Variants in HGF observed in about 807,000 individuals in gnomAD.
The protein encoded by HGF is fibroblast-derived tumor cytotoxic factor.
A neutral mutation model predicts 111.6 loss-of-function variants in HGF; 39 were observed. The observed-to-expected ratio is 0.35, with a 90% confidence interval of 0.27 to 0.46. The LOEUF (loss-of-function observed/expected upper bound fraction) is 0.46. HGF is among the 20% of genes least tolerant of loss of function. The pLI is 1.00. For synonymous variants in HGF, 285 were observed against 294.8 expected, an observed-to-expected ratio of 0.97 and a Z score of 0.34; for missense variants, 735 against 910.5, an observed-to-expected ratio of 0.81 and a Z score of 2.48.
At chr7:81,769,742 A>G (rs1789536993) in intron 1 of HGF, 142 bp downstream of exon 1, 4 of 660,564 alleles carry the variant, frequency 6.1e-6, no homozygotes, top group South Asian at 5.1e-5. Flanking sequence ...GCATAATGAG[A>G]GCTTTTAGAA....
intron 4 of HGF, chr7:81,756,233 G>T: frequency 1.8e-6 from 1 of 565,664 alleles, no homozygotes; most frequent in Non-Finnish European, 3.1e-6. Flanking sequence ...TTATGCTTCA[G>T]TTTTGTCATG....
intron 7 of HGF, among the ~76,000 whole-genome samples, chr7:81,741,249 T>A (rs1350771236): frequency 6.6e-6 from 1 of 152,162 alleles, no homozygotes; most frequent in African/African-American, 2.4e-5. Context: ...CTTTTTAAAT[T>A]TGAGTGATAT....
At chr7:81,762,518 G>T (rs528585531) in intron 2 of HGF, among the ~76,000 whole-genome samples, 189 bp downstream of exon 2, 1 of 152,108 alleles carries the variant, frequency 6.6e-6, no homozygotes, top group Admixed American at 6.6e-5. Context: ...CAGTTTTTGC[G>T]CTCTCCCTTA....
intron 7 of HGF, among the ~76,000 whole-genome samples, chr7:81,738,456 G>A (rs1418762667): frequency 6.6e-6 from 1 of 152,074 alleles, no homozygotes; most frequent in Non-Finnish European, 1.5e-5. Flanking sequence ...TTTATACACA[G>A]AATATTTGTG....
At chr7:81,766,746 C>T (rs1461326383) in intron 1 of HGF, among the ~76,000 whole-genome samples, 1 of 152,146 alleles carries the variant, frequency 6.6e-6, no homozygotes, top group East Asian at 1.9e-4. Context: ...TCCTGGCCTC[C>T]ACCTTCACTG....
At chr7:81,717,887 A>G (rs1364437462) in intron 10 of HGF, among the ~76,000 whole-genome samples, 1 of 152,186 alleles carries the variant, frequency 6.6e-6, no homozygotes, top group Non-Finnish European at 1.5e-5. Flanking sequence ...GATCAGTTAC[A>G]AAATATTATT....
chr7:81,712,053 AGGT>A (rs904887504), intron 11 of HGF, among the ~76,000 whole-genome samples: 1 of 152,152 alleles, frequency 6.6e-6, no homozygotes, highest in Non-Finnish European at 1.5e-5. Context: ...CTCTGGTACT[AGGT>A]GATATGAGCA....
rs561484014 is a variant in HGF, at chr7:81,702,602, T to C, written c.2166A>G (p.Thr722=). 2 of 1,611,010 alleles carry C rather than the reference T, an allele frequency of 1.2e-6. No homozygotes were observed. The highest frequency in any genetic ancestry group is 2.2e-5 in the South Asian group (2 of 91,010). Residue 722 remains threonine, a synonymous_variant, in exon 18 of 18, where the codon ACA becomes ACG. Transcript: ENST00000222390. The part of the protein sequence containing the change: ...YAKWIHKIIL[T]YKVPQS The stretch of plus-strand genomic sequence containing the variant: ...TCAGCTATGACTGTGGTACCTTATA[T>C]GTTAAAATAATTTTGTGTATCCATT...
intron 11 of HGF, among the ~76,000 whole-genome samples, chr7:81,715,443 G>A (rs976095595): frequency 2.0e-5 from 3 of 151,998 alleles, no homozygotes; most frequent in African/African-American, 7.2e-5. Context: ...CTTAATATGG[G>A]AAAAGTGAAG....
At chr7:81,760,700 T>C (rs941843508) in intron 2 of HGF, among the ~76,000 whole-genome samples, 9 of 151,082 alleles carry the variant, frequency 6.0e-5, no homozygotes, top group African/African-American at 1.9e-4. Flanking sequence ...TGTGTGTGTG[T>C]GTGTGTGTGT....
At chr7:81,727,911 C>T (rs1275516262) in intron 8 of HGF, among the ~76,000 whole-genome samples, 5 of 152,114 alleles carry the variant, frequency 3.3e-5, no homozygotes, top group African/African-American at 4.8e-5. Flanking sequence ...TTACTAGGTC[C>T]TTACTTTTCA....
chr7:81,755,365 C>T (rs1259988388), intron 4 of HGF: 1 of 152,088 alleles, frequency 6.6e-6, no homozygotes, highest in African/African-American at 2.4e-5. Context: ...CAATAAGCTG[C>T]TAATTGATGA....
At chr7:81,711,227 CTT>C (rs1224375244) in intron 12 of HGF, among the ~76,000 whole-genome samples, 1 of 152,134 alleles carries the variant, frequency 6.6e-6, no homozygotes, top group Non-Finnish European at 1.5e-5. Flanking sequence ...TATAAACACT[CTT>C]TTCGAAATCA....
intron 7 of HGF, among the ~76,000 whole-genome samples, chr7:81,740,040 C>T (rs1317931801): frequency 9.2e-5 from 14 of 152,226 alleles, no homozygotes; most frequent in African/African-American, 3.4e-4. Context: ...CTCTTTACCC[C>T]CTTCCTCACT....
At chr7:81,755,863 GATCAGCTTGGACACTTAC>G in intron 4 of HGF, 1 of 563,542 alleles carries the variant, frequency 1.8e-6, no homozygotes, top group Non-Finnish European at 3.1e-6. Flanking sequence ...TTGTAGAGAT[GATCAGCTTGGACACTTAC>G]TAGCTAGTGT....
chr7:81,724,715 T>C (rs541669177), intron 9 of HGF, among the ~76,000 whole-genome samples: 2 of 152,328 alleles, frequency 1.3e-5, no homozygotes, highest in South Asian at 2.1e-4. Context: ...TGTATATTCC[T>C]TTGGGTATAC....
At chr7:81,736,375 TA>T (rs1285749131) in intron 7 of HGF, among the ~76,000 whole-genome samples, 4 of 152,076 alleles carry the variant, frequency 2.6e-5, no homozygotes, top group Non-Finnish European at 5.9e-5. Context: ...TCAACGGTCA[TA>T]GTTTTGTAGT....
intron 4 of HGF, 87 bp from the exon 5 acceptor site, chr7:81,752,349 G>T: frequency 9.3e-7 from 1 of 1,076,906 alleles, no homozygotes; most frequent in Non-Finnish European, 1.4e-6. Context: ...GTATGTTTTT[G>T]CTGAAGGTAG....
chr7:81,761,225 A>G (rs778446976), intron 2 of HGF, among the ~76,000 whole-genome samples: 2 of 152,200 alleles, frequency 1.3e-5, no homozygotes, highest in Non-Finnish European at 2.9e-5. Context: ...AGGCTTTTAT[A>G]GGAAAGTCAG....
Sources: allele counts gnomAD v4.1 joint callset (sites outside exome capture counted in the v4.1 genomes callset), GRCh38; gene constraint gnomAD v4.1.1; transcripts MANE v1.5; gene names NCBI Gene and HGNC (gene_info 2026-07-23, HGNC 2026-07-21).